The following GLIS3 variants were observed in gnomAD, a reference collection of about 807,000 sequenced individuals.
GLIS3 encodes the protein GLIS family zinc finger 3.
GLIS3 carries 53 observed loss-of-function variants against 78.6 expected under a neutral mutation model. That is an observed-to-expected ratio of 0.67 (90% CI 0.54 to 0.85). The LOEUF (loss-of-function observed/expected upper bound fraction) is 0.85, where lower values mean the gene tolerates loss of function less well. Ranked by LOEUF, GLIS3 falls within the 40% of genes least tolerant of loss-of-function variation. GLIS3 has a pLI of 0.00. For synonymous variants in GLIS3, 684 were observed against 509.9 expected, an observed-to-expected ratio of 1.34 and a Z score of -4.60; for missense variants, 1,703 against 1,231.1, an observed-to-expected ratio of 1.38 and a Z score of -5.74.
At chr9:4,426,067 C>G in the GLIS3 span, among the ~76,000 whole-genome samples, 1 of 152,100 alleles carries the variant, frequency 6.6e-6, no homozygotes, top group Admixed American at 6.5e-5. Flanking sequence ...AAACTTGGCC[C>G]ACAATTTCCT....
intron 1 of GLIS3, among the ~76,000 whole-genome samples, chr9:4,292,111 T>C (rs1816031509): frequency 6.6e-6 from 1 of 152,170 alleles, no homozygotes; most frequent in Non-Finnish European, 1.5e-5. Context: ...TACCATGCCT[T>C]GGGCCCACAG....
At chr9:4,264,522 T>C (rs1171567202) in intron 2 of GLIS3, among the ~76,000 whole-genome samples, 11 of 152,206 alleles carry the variant, frequency 7.2e-5, no homozygotes, top group Admixed American at 7.2e-4. Context: ...CTGAACTTCC[T>C]ATCTCAGTCT....
At chr9:4,464,813 G>A in the GLIS3 span, among the ~76,000 whole-genome samples, 2 of 152,198 alleles carry the variant, frequency 1.3e-5, no homozygotes, top group Non-Finnish European at 2.9e-5. Context: ...GTTGTATGCA[G>A]AATATTGAAG....
chr9:4,165,945 T>A (rs1206067743), intron 2 of GLIS3, among the ~76,000 whole-genome samples: 2 of 152,144 alleles, frequency 1.3e-5, no homozygotes, highest in African/African-American at 4.8e-5. Flanking sequence ...CTACTGTGCT[T>A]GCAGACAGGG....
intron 6 of GLIS3, 185 bp from the exon 7 acceptor site, chr9:3,899,020 C>A: frequency 1.4e-6 from 1 of 716,464 alleles, no homozygotes; most frequent in South Asian, 1.7e-5. Flanking sequence ...CCTAATAACA[C>A]CTGGCAAGAG....
chr9:4,400,368 T>A, the GLIS3 span, among the ~76,000 whole-genome samples: 1 of 150,406 alleles, frequency 6.6e-6, no homozygotes, highest in Non-Finnish European at 1.5e-5. Context: ...CTTTATGAAG[T>A]TGTAAAAATA....
At chr9:4,093,379 C>T (rs1829684383) in intron 4 of GLIS3, among the ~76,000 whole-genome samples, 1 of 152,164 alleles carries the variant, frequency 6.6e-6, no homozygotes, top group African/African-American at 2.4e-5. Flanking sequence ...GCAAAGCGTG[C>T]ACAAGGGAAG....
chr9:3,890,185 A>C (rs1822338421), intron 7 of GLIS3, among the ~76,000 whole-genome samples: 4 of 152,100 alleles, frequency 2.6e-5, no homozygotes, highest in Admixed American at 2.6e-4. Flanking sequence ...TCACAAATTC[A>C]CTGTTCATTA....
At chr9:4,254,728 T>C (rs1554637882) in intron 2 of GLIS3, among the ~76,000 whole-genome samples, 1 of 151,252 alleles carries the variant, frequency 6.6e-6, no homozygotes, top group Non-Finnish European at 1.5e-5. Context: ...TAATCCCAGC[T>C]ACTCGGGAGG....
chr9:4,160,118 C>T (rs768835022), intron 2 of GLIS3, among the ~76,000 whole-genome samples: 1 of 152,150 alleles, frequency 6.6e-6, no homozygotes, highest in Non-Finnish European at 1.5e-5. Flanking sequence ...AAATACTTTC[C>T]ACTCCACAAA....
chr9:4,085,661 C>T (rs1044813359), intron 4 of GLIS3, among the ~76,000 whole-genome samples: 9 of 152,162 alleles, frequency 5.9e-5, no homozygotes, highest in African/African-American at 2.2e-4. Context: ...AGGTGACTAG[C>T]TTTATCACGG....
intron 4 of GLIS3, among the ~76,000 whole-genome samples, chr9:4,069,135 A>G (rs1827370891): frequency 6.6e-6 from 1 of 152,188 alleles, no homozygotes; most frequent in Non-Finnish European, 1.5e-5. Flanking sequence ...CTCAATAAAA[A>G]TGCCCTGTTG....
chr9:4,399,901 G>C, the GLIS3 span, among the ~76,000 whole-genome samples: 1 of 152,214 alleles, frequency 6.6e-6, no homozygotes, highest in Non-Finnish European at 1.5e-5. Context: ...AGAGAAAATA[G>C]TGTGAGGGCC....
chr9:4,183,988 C>G (rs1158540947), intron 2 of GLIS3, among the ~76,000 whole-genome samples: 1 of 152,030 alleles, frequency 6.6e-6, no homozygotes, highest in African/African-American at 2.4e-5. Context: ...TGACAAATTT[C>G]AATGCATTTT....
At chr9:3,901,590 G>T (rs535183779) in intron 6 of GLIS3, among the ~76,000 whole-genome samples, 8 of 152,330 alleles carry the variant, frequency 5.3e-5, no homozygotes, top group Admixed American at 5.2e-4. Flanking sequence ...TGTTTAGAGA[G>T]AAGTATTTCT....
At chr9:4,130,069 T>G (rs1035900758) in intron 2 of GLIS3, among the ~76,000 whole-genome samples, 4 of 152,174 alleles carry the variant, frequency 2.6e-5, no homozygotes, top group African/African-American at 9.7e-5. Flanking sequence ...AACTTTGAAT[T>G]TGAAAGTGAT....
chr9:3,882,681 G>C (rs1432957950), intron 7 of GLIS3, among the ~76,000 whole-genome samples: 1 of 152,144 alleles, frequency 6.6e-6, no homozygotes, highest in African/African-American at 2.4e-5. Flanking sequence ...CCCTTCCCTT[G>C]AATGCTATGG....
rs554834018 is a variant in GLIS3, at chr9:4,002,912, G to C, written c.1711-65723C>G. The stretch of plus-strand genomic sequence containing the variant: ...GTCACAACCATGAGGCAAAGGTCAA[G>C]AGATCCACAACGACATGGCTCTGAT... On this transcript the variant is annotated intron_variant, in intron 4 of 10. Coordinates refer to ENST00000381971, the MANE Select transcript of GLIS3 (RefSeq NM_001042413.2). Among the ~76,000 whole-genome samples the C allele has an allele frequency of 5.9e-5, 9 of 152,326 alleles. No individual in the cohort carries two copies. The East Asian group carries it at 1.7e-3, about 29-fold the overall frequency.
At chr9:3,849,150 C>T (rs748687581) in intron 9 of GLIS3, among the ~76,000 whole-genome samples, 3 of 146,336 alleles carry the variant, frequency 2.1e-5, no homozygotes, top group Non-Finnish European at 3.1e-5. Flanking sequence ...AAAATAAGAG[C>T]ACACAGTGGA....
Sources: allele counts gnomAD v4.1 joint callset (sites outside exome capture counted in the v4.1 genomes callset), GRCh38; gene constraint gnomAD v4.1.1; transcripts MANE v1.5; gene names NCBI Gene and HGNC (gene_info 2026-07-23, HGNC 2026-07-21).